Variants in DOK5 observed in about 807,000 individuals in gnomAD.
The protein encoded by DOK5 is downstream of tyrosine kinase 5.
A neutral mutation model predicts 43.3 loss-of-function variants in DOK5; 27 were observed. The observed-to-expected ratio is 0.62, with a 90% CI of 0.46 to 0.86. The LOEUF (loss-of-function observed/expected upper bound fraction) is 0.86. Ranked by LOEUF, DOK5 falls within the 40% of genes least tolerant of loss-of-function variation. The pLI, the probability that DOK5 is intolerant of heterozygous loss-of-function variation, is 0.00. For missense variants in DOK5, 373 were observed against 392.9 expected (o/e 0.95, Z 0.43); for synonymous variants, 146 against 140.1 (o/e 1.04, Z -0.30).
intron 1 of DOK5, among the ~76,000 whole-genome samples, chr20:54,505,442 T>C (rs763880500): frequency 6.6e-6 from 1 of 152,120 alleles, no homozygotes; most frequent in African/African-American, 2.4e-5. Flanking sequence ...TGAATACCTA[T>C]AAATTCAATT....
At chr20:54,482,373 C>T (rs1005856843) in intron 1 of DOK5, among the ~76,000 whole-genome samples, 5 of 152,156 alleles carry the variant, frequency 3.3e-5, no homozygotes, top group Admixed American at 1.3e-4. Flanking sequence ...ATGCCACAAA[C>T]GCTTTCATGT....
In DOK5 at chr20:54,610,499, G is replaced by T; in HGVS notation, c.711G>T (p.Leu237Phe). 1.3e-6 allele frequency: 2 copies of T among 1,523,450 alleles called. No homozygotes were observed. The highest frequency in any genetic ancestry group is 4.8e-5 in the East Asian group (2 of 41,736). 94.4% of individuals were successfully genotyped at this position (1,523,450 alleles called of 1,614,324 possible). A position where few individuals can be genotyped will look rare whatever the true frequency, so the allele number is the denominator to read the frequency against. Reference protein sequence around the residue: ...ALAIAEQHERLLQSVKNSMLQ... With the variant: ...ALAIAEQHERFLQSVKNSMLQ... ...CCATAGCCGAGCAGCACGAGCGCTT[G>T]CTACAGAGTGTGAAAAACTCGATGG... The change falls in exon 6 of 8, where the codon TTG becomes TTT. Residue 237 changes from leucine (L) to phenylalanine (F), a missense_variant. Leu to Phe is a conservative substitution (Grantham distance 22). Transcript: ENST00000262593.
At chr20:54,632,078 A>G (rs1309756215) in intron 6 of DOK5, among the ~76,000 whole-genome samples, 2 of 152,200 alleles carry the variant, frequency 1.3e-5, no homozygotes, top group East Asian at 1.9e-4. Flanking sequence ...ACCAGACCCA[A>G]AGATAGAGCT....
At chr20:54,527,468 A>G (rs571721310) in intron 1 of DOK5, among the ~76,000 whole-genome samples, 2 of 152,258 alleles carry the variant, frequency 1.3e-5, no homozygotes, top group East Asian at 3.9e-4. Context: ...AGCTAAATTC[A>G]AATCGAAGAG....
intron 1 of DOK5, among the ~76,000 whole-genome samples, chr20:54,507,805 C>T (rs1171591340): frequency 5.9e-5 from 9 of 152,180 alleles, no homozygotes; most frequent in Non-Finnish European, 1.0e-4. Flanking sequence ...ACTGGGGCCA[C>T]ACCCTAGAGA....
intron 6 of DOK5, among the ~76,000 whole-genome samples, chr20:54,622,752 A>C (rs934375628): frequency 1.3e-5 from 2 of 152,110 alleles, no homozygotes; most frequent in African/African-American, 4.8e-5. Flanking sequence ...GCATAAAATC[A>C]CACGTGCATC....
At chr20:54,603,474 C>G (rs949951653) in intron 5 of DOK5, among the ~76,000 whole-genome samples, 14 of 152,218 alleles carry the variant, frequency 9.2e-5, no homozygotes, top group Admixed American at 7.9e-4. Flanking sequence ...TCCCTAAACT[C>G]GGACACTGCC....
At position 54,480,958 on chromosome 20, in the gene DOK5, CTATCATCTATCATCT is replaced by C. The variant is rs746645184; in HGVS notation, c.66+4947_66+4961del. On this transcript the variant is annotated intron_variant, in intron 1 of 7. Coordinates refer to ENST00000262593, the MANE Select transcript of DOK5 (RefSeq NM_018431.5). ...TATCATCTATCTATCTATCATCTAT[CTATCATCTATCATCT>C]ATCTATCTATCATCTATCATCTATC... 9.6e-4 allele frequency among the ~76,000 whole-genome samples: 114 copies of C among 118,956 alleles called. 2 individuals carry two copies. Among genetic ancestry groups the C allele is most frequent in the African/African-American group, 4.0e-3 (104 of 26,320 alleles). 78.0% of individuals were successfully genotyped at this position (118,956 alleles called of 152,430 possible).
At chr20:54,491,925 TGAAA>T (rs1982191669) in intron 1 of DOK5, among the ~76,000 whole-genome samples, 1 of 127,096 alleles carries the variant, frequency 7.9e-6, no homozygotes, top group South Asian at 2.6e-4. Context: ...TGGCAAAAAA[TGAAA>T]GAAAGAGAGA....
At chr20:54,592,810 G>A (rs1986020578) in intron 5 of DOK5, among the ~76,000 whole-genome samples, 1 of 152,122 alleles carries the variant, frequency 6.6e-6, no homozygotes, top group Non-Finnish European at 1.5e-5. Context: ...GGGATTACCG[G>A]CGTGAGCCAC....
At chr20:54,645,439 C>T (rs1979365485) in intron 7 of DOK5, among the ~76,000 whole-genome samples, 1 of 151,244 alleles carries the variant, frequency 6.6e-6, no homozygotes, top group Admixed American at 6.6e-5. Context: ...CCTCCATGCC[C>T]GCTCTGAACC....
At chr20:54,479,716 T>G (rs187340128) in intron 1 of DOK5, among the ~76,000 whole-genome samples, 411 of 152,256 alleles carry the variant, frequency 2.7e-3, no homozygotes, top group African/African-American at 9.6e-3. Context: ...TTGGACCTCT[T>G]TTCTGACCTC....
intron 4 of DOK5, among the ~76,000 whole-genome samples, chr20:54,589,120 A>T (rs562835778): frequency 2.6e-5 from 4 of 152,302 alleles, no homozygotes; most frequent in Admixed American, 2.6e-4. Context: ...TAGCAGCCCT[A>T]TGGTGTAGGT....
chr20:54,595,382 C>T (rs746324961), intron 5 of DOK5, among the ~76,000 whole-genome samples: 2 of 151,810 alleles, frequency 1.3e-5, no homozygotes, highest in East Asian at 1.9e-4. Context: ...ACATTGTGCA[C>T]GGTAGGATAG....
chr20:54,617,340 T>C (rs1243079511), intron 6 of DOK5, among the ~76,000 whole-genome samples: 1 of 151,922 alleles, frequency 6.6e-6, no homozygotes, highest in East Asian at 1.9e-4. Context: ...TTTTTTTTCT[T>C]TTTTTTTGGA....
At chr20:54,565,378 C>A (rs1985060651) in intron 2 of DOK5, among the ~76,000 whole-genome samples, 2 of 152,186 alleles carry the variant, frequency 1.3e-5, no homozygotes, top group South Asian at 4.1e-4. Context: ...TATTTTCAGA[C>A]CACAGCTGAC....
intron 2 of DOK5, among the ~76,000 whole-genome samples, chr20:54,559,872 G>A (rs1334233413): frequency 2.0e-5 from 3 of 152,276 alleles, no homozygotes; most frequent in East Asian, 1.9e-4. Flanking sequence ...TTAAATGAAC[G>A]TGAATGTATT....
At chr20:54,600,757 C>A (rs1468120207) in intron 5 of DOK5, among the ~76,000 whole-genome samples, 1 of 152,182 alleles carries the variant, frequency 6.6e-6, no homozygotes, top group African/African-American at 2.4e-5. Flanking sequence ...ATCACATGAC[C>A]TGAAGCCGTT....
At chr20:54,488,727 T>G (rs548807231) in intron 1 of DOK5, among the ~76,000 whole-genome samples, 99 of 149,032 alleles carry the variant, frequency 6.6e-4, no homozygotes, top group African/African-American at 2.3e-3. Flanking sequence ...ATTATTTGCT[T>G]ATGTGCTTTT....
Sources: allele counts gnomAD v4.1 joint callset (sites outside exome capture counted in the v4.1 genomes callset), GRCh38; gene constraint gnomAD v4.1.1; transcripts MANE v1.5; gene names NCBI Gene and HGNC (gene_info 2026-07-23, HGNC 2026-07-21).